Variants in PPP1R13B observed in about 807,000 individuals in gnomAD.
The protein encoded by PPP1R13B is apoptosis-stimulating of p53 protein 1.
Under a neutral mutation model 119.8 loss-of-function variants are expected in PPP1R13B, and 44 were observed. That is an observed-to-expected ratio of 0.37 (90% CI 0.29 to 0.47). The LOEUF is 0.47. PPP1R13B is among the 20% of genes least tolerant of loss of function. The pLI is 0.99. For missense variants in PPP1R13B, 1,227 were observed against 1,413.5 expected, an observed-to-expected ratio of 0.87 and a Z score of 2.12; for synonymous variants, 542 against 561.5, an observed-to-expected ratio of 0.97 and a Z score of 0.49.
chr14:103,806,694 C>T (rs1219886621), intron 1 of PPP1R13B, among the ~76,000 whole-genome samples: 1 of 152,168 alleles, frequency 6.6e-6, no homozygotes, highest in Non-Finnish European at 1.5e-5. Flanking sequence ...CCTCAATTAG[C>T]CTCTCAAAGA....
At chr14:103,737,007 A>G (rs1352827477) in intron 15 of PPP1R13B, 1 of 152,366 alleles carries the variant, frequency 6.6e-6, no homozygotes, top group Non-Finnish European at 1.5e-5. Context: ...TTAGGACATG[A>G]GCCTCATTCA....
intron 1 of PPP1R13B, chr14:103,840,011 T>C (rs2086866645): frequency 6.6e-6 from 1 of 152,246 alleles, no homozygotes; most frequent in South Asian, 2.1e-4. Flanking sequence ...TCCAGTTTTA[T>C]ATTGTTCTAT....
At chr14:103,747,912 CAGAG>C (rs889011054) in intron 8 of PPP1R13B, among the ~76,000 whole-genome samples, 7 of 152,306 alleles carry the variant, frequency 4.6e-5, no homozygotes, top group African/African-American at 1.4e-4. Flanking sequence ...TTAAGAGAAA[CAGAG>C]AGACGCCCTG....
chr14:103,800,402 C>T (rs1057017393), intron 1 of PPP1R13B, among the ~76,000 whole-genome samples: 1 of 152,094 alleles, frequency 6.6e-6, no homozygotes, highest in African/African-American at 2.4e-5. Context: ...CCTGTAATCC[C>T]AGCACTCTGG....
chr14:103,774,655 C>T (rs746354211), intron 4 of PPP1R13B, among the ~76,000 whole-genome samples: 1 of 152,166 alleles, frequency 6.6e-6, no homozygotes, highest in African/African-American at 2.4e-5. Flanking sequence ...CACACTCCCC[C>T]CTTTCTTCAC....
rs2151960841 is a variant in PPP1R13B, at chr14:103,737,974, C to T, written c.2865-114G>A. On this transcript the variant is annotated intron_variant, in intron 14 of 16. Transcript: ENST00000202556. ...CGGAAGGCGTTCACCTTTGTGCCAT[C>T]AAGTCTCAGTGTTGTTTCTTTAAAG... The T allele has an allele frequency of 7.4e-6, 9 of 1,213,244 alleles. No homozygotes were observed. In the East Asian group the frequency reaches 2.3e-4, roughly 32 times the overall value. The allele number at this position is 1,213,244 out of a possible 1,614,324, so 75.2% of individuals were successfully genotyped here.
chr14:103,803,263 T>A (rs1595795675), intron 1 of PPP1R13B, among the ~76,000 whole-genome samples: 1 of 152,046 alleles, frequency 6.6e-6, no homozygotes, highest in Non-Finnish European at 1.5e-5. Context: ...ACAAAACAGA[T>A]GAAATTCAGT....
At chr14:103,840,488 G>GA (rs1164941041) in intron 1 of PPP1R13B, among the ~76,000 whole-genome samples, 1 of 152,124 alleles carries the variant, frequency 6.6e-6, no homozygotes, top group Non-Finnish European at 1.5e-5. Flanking sequence ...ACTCCAGGTG[G>GA]AAAAAACTAC....
intron 1 of PPP1R13B, chr14:103,846,838 C>T (rs1731937583): frequency 2.1e-6 from 1 of 480,394 alleles, no homozygotes; most frequent in African/African-American, 2.0e-5. Context: ...GCACTCGGCA[C>T]CTTTCCTCAG....
At chr14:103,754,561 C>CAAA (rs771794623) in intron 5 of PPP1R13B, among the ~76,000 whole-genome samples, 489 of 40,900 alleles carry the variant, frequency 0.012, 31 homozygotes, top group African/African-American at 0.04. Context: ...GACTCAGTCT[C>CAAA]AAAAAAAAAA....
intron 3 of PPP1R13B, among the ~76,000 whole-genome samples, chr14:103,781,796 C>T (rs547766385): frequency 1.6e-4 from 24 of 152,184 alleles, no homozygotes; most frequent in Non-Finnish European, 3.1e-4. Context: ...GGACTACAGG[C>T]GCCTGCCACC....
chr14:103,838,767 T>C (rs1347706016), intron 1 of PPP1R13B, among the ~76,000 whole-genome samples: 2 of 152,218 alleles, frequency 1.3e-5, no homozygotes, highest in Admixed American at 1.3e-4. Context: ...CTAATGCATC[T>C]GATCCTCCTA....
rs748271281 is a variant in PPP1R13B at position 103,742,188 on chromosome 14, G to A, written c.1424C>T (p.Ser475Leu). Residue 475 changes from serine (S) to leucine (L), a missense_variant, in exon 11 of 17, where the codon TCG becomes TTG. Ser to Leu is a moderately radical substitution (Grantham distance 145). Transcript: ENST00000202556. The surrounding 1 kb of genome is among the most constrained non-coding windows in gnomAD (Gnocchi z 4.9). ...YPSPTPLGPG[S>L]TSSLERRKEG... is the part of the protein sequence containing the mutation. Reference sequence around the variant, plus strand: ...CTTCCTCCTTTCCAGGGAGCTTGTCGACCCAGGACCCAGAGGTGTAGGACT... The same window carrying A: ...CTTCCTCCTTTCCAGGGAGCTTGTCAACCCAGGACCCAGAGGTGTAGGACT... 6.9e-6 allele frequency: 11 copies of A among 1,605,044 alleles called. No homozygotes were observed. The highest frequency in any genetic ancestry group is 2.7e-5 in the African/African-American group (2 of 74,906).
chr14:103,798,134 C>T (rs149455430), intron 1 of PPP1R13B, among the ~76,000 whole-genome samples: 2,434 of 148,494 alleles, frequency 0.016, 36 homozygotes, highest in South Asian at 0.055. Context: ...TATTCAAGTA[C>T]ATTAAATATA....
intron 3 of PPP1R13B, among the ~76,000 whole-genome samples, chr14:103,782,993 C>T (rs960164058): frequency 2.6e-5 from 4 of 151,602 alleles, no homozygotes; most frequent in East Asian, 1.9e-4. Context: ...TTAGTAGAGA[C>T]GGGGGTTTCA....
intron 1 of PPP1R13B, among the ~76,000 whole-genome samples, chr14:103,803,559 T>C (rs1459917051): frequency 6.6e-6 from 1 of 152,086 alleles, no homozygotes; most frequent in African/African-American, 2.4e-5. Context: ...AGGAGAATGC[T>C]GTGAACCCGG....
intron 2 of PPP1R13B, among the ~76,000 whole-genome samples, chr14:103,795,596 A>T (rs1341593273): frequency 6.6e-6 from 1 of 152,158 alleles, no homozygotes; most frequent in Non-Finnish European, 1.5e-5. Context: ...ATTCCCTTAC[A>T]ATGGGAAGGC....
In PPP1R13B at chr14:103,827,140, C is replaced by T. The variant is rs546396677; in HGVS notation, c.9+20159G>A. On this transcript the variant is annotated intron_variant, in intron 1 of 16. Coordinates refer to ENST00000202556, the MANE Select transcript of PPP1R13B (RefSeq NM_015316.3). ...GAGATCGAGACCATCCTGGTTAACA[C>T]GGTGAAACCCCATCTCTATTAAAAA... Among the ~76,000 whole-genome samples, 208 of 151,556 alleles carry T rather than the reference C, an allele frequency of 1.4e-3. 2 individuals are homozygous for T. Among genetic ancestry groups the T allele is most frequent in the African/African-American group, 4.7e-3 (191 of 41,046 alleles).
chr14:103,823,747 C>G (rs1311934559), intron 1 of PPP1R13B, among the ~76,000 whole-genome samples: 4 of 152,120 alleles, frequency 2.6e-5, no homozygotes, highest in Non-Finnish European at 5.9e-5. Context: ...TGATCACTTT[C>G]CATGTATAAC....
Sources: gnomAD v4.1 joint callset for allele counts (sites outside exome capture counted in the v4.1 genomes callset) on GRCh38, gnomAD v4.1.1 for gene constraint, Gnocchi (gnomAD v3.1) non-coding constraint, MANE v1.5 for transcripts, NCBI Gene and HGNC (gene_info 2026-07-23, HGNC 2026-07-21) for gene names.